The following MBD5 variants were observed in gnomAD, a reference collection of about 807,000 sequenced individuals.
The protein encoded by MBD5 is methyl-CpG-binding domain protein 5.
In MBD5, 13 loss-of-function variants were observed where a neutral mutation model predicts 117.3. That is an observed-to-expected ratio of 0.11 (90% CI 0.07 to 0.18). The LOEUF is 0.18. Among genes scored for constraint, MBD5 ranks in the 10% least tolerant of loss-of-function variants. The probability of loss-of-function intolerance (pLI) is 1.00; values close to 1 mark genes in which losing one functional copy is unlikely to be tolerated. For missense variants in MBD5, 1,879 were observed against 2,093.8 expected, an observed-to-expected ratio of 0.90 and a Z score of 2.00; for synonymous variants, 727 against 766.4, an observed-to-expected ratio of 0.95 and a Z score of 0.85.
intron 1 of MBD5, among the ~76,000 whole-genome samples, chr2:148,104,715 G>T (rs928115690): frequency 3.3e-5 from 5 of 152,096 alleles, no homozygotes; most frequent in African/African-American, 1.2e-4. Flanking sequence ...CTTTTGGGTG[G>T]ACTCTTTGGA....
In MBD5 at chr2:148,463,789, T is replaced by C. The variant is rs143333632; in HGVS notation, c.267T>C (p.Asp89=). ...GAAVKQRTAE[D]VKADEDVTKL... is the part of the protein sequence containing the mutation. The stretch of plus-strand genomic sequence containing the variant: ...CTGTGAAACAGAGAACCGCAGAAGA[T>C]GTTAAGGCAGATGAAGATGTCACAA... The change falls in exon 7 of 14, where the codon GAT becomes GAC. Residue 89 remains aspartate (D), a synonymous_variant. Coordinates refer to ENST00000642680, the MANE Select transcript of MBD5 (RefSeq NM_001378120.1). The C allele has an allele frequency of 9.4e-5, 152 of 1,613,696 alleles. No homozygotes were observed. Among genetic ancestry groups the C allele is most frequent in the Non-Finnish European group, 1.3e-4 (148 of 1,179,798 alleles).
intron 4 of MBD5, among the ~76,000 whole-genome samples, chr2:148,452,836 C>T (rs533838078): frequency 5.3e-5 from 8 of 152,222 alleles, no homozygotes; most frequent in Non-Finnish European, 1.2e-4. Context: ...ATTGTGAGAT[C>T]ATCAGGGAAA....
At chr2:148,325,057 T>A (rs569259626) in intron 3 of MBD5, among the ~76,000 whole-genome samples, 1 of 152,354 alleles carries the variant, frequency 6.6e-6, no homozygotes, top group South Asian at 2.1e-4. Flanking sequence ...GTTGTTGAAT[T>A]TTGTCACAGG....
chr2:148,462,020 T>G (rs1408879699), intron 5 of MBD5, among the ~76,000 whole-genome samples: 1 of 152,158 alleles, frequency 6.6e-6, no homozygotes, highest in East Asian at 1.9e-4. Flanking sequence ...ACTGATCTAT[T>G]ATATCTTTAA....
chr2:148,238,126 G>A (rs553669868), intron 3 of MBD5, among the ~76,000 whole-genome samples: 1 of 152,064 alleles, frequency 6.6e-6, no homozygotes, highest in African/African-American at 2.4e-5. Flanking sequence ...CAATGAATTT[G>A]CTCATTCTAT....
intron 1 of MBD5, among the ~76,000 whole-genome samples, chr2:148,031,581 G>A (rs549828542): frequency 3.3e-5 from 5 of 152,190 alleles, no homozygotes; most frequent in East Asian, 1.9e-4. Flanking sequence ...ATAATATACC[G>A]TACCTTTACT....
chr2:148,481,032 AT>A (rs1200256667), intron 8 of MBD5, among the ~76,000 whole-genome samples: 1 of 151,702 alleles, frequency 6.6e-6, no homozygotes, highest in Non-Finnish European at 1.5e-5. Flanking sequence ...AACTCCTTTT[AT>A]TTTTATAGAC....
chr2:148,157,304 C>T (rs1235377488), intron 1 of MBD5, among the ~76,000 whole-genome samples: 1 of 128,126 alleles, frequency 7.8e-6, no homozygotes, highest in Non-Finnish European at 1.6e-5. Context: ...CACCCCCAAA[C>T]AGGCCCCAGT....
At chr2:148,219,865 T>C (rs1342697029) in intron 2 of MBD5, 1 of 152,196 alleles carries the variant, frequency 6.6e-6, no homozygotes, top group African/African-American at 2.4e-5. Flanking sequence ...TCTAGGATAG[T>C]CAAATATTAT....
chr2:148,272,400 C>G (rs1273210368), intron 3 of MBD5, among the ~76,000 whole-genome samples: 1 of 152,196 alleles, frequency 6.6e-6, no homozygotes, highest in East Asian at 1.9e-4. Context: ...TTTCTACTTA[C>G]AGTGTACAAA....
chr2:148,445,215 C>T (rs535190718), intron 4 of MBD5, among the ~76,000 whole-genome samples: 1 of 151,152 alleles, frequency 6.6e-6, no homozygotes, highest in African/African-American at 2.5e-5. Context: ...TATACATGTG[C>T]CATGTTGGTG....
intron 3 of MBD5, among the ~76,000 whole-genome samples, chr2:148,254,853 G>T (rs192346311): frequency 6.6e-6 from 1 of 152,108 alleles, no homozygotes; most frequent in Non-Finnish European, 1.5e-5. Context: ...GTTCCCCCAC[G>T]AGCCAGCCCC....
intron 7 of MBD5, among the ~76,000 whole-genome samples, chr2:148,465,587 A>C (rs781194982): frequency 1.3e-5 from 2 of 152,148 alleles, no homozygotes; most frequent in Non-Finnish European, 2.9e-5. Flanking sequence ...CCAGTCTTAG[A>C]AAATAGTAGG....
intron 1 of MBD5, among the ~76,000 whole-genome samples, chr2:148,124,508 G>C (rs1424208925): frequency 7.2e-5 from 11 of 152,022 alleles, no homozygotes; most frequent in African/African-American, 2.7e-4. Flanking sequence ...AGACCAGTAA[G>C]TCAAGATTGC....
chr2:148,226,618 G>A (rs59050239), intron 2 of MBD5, among the ~76,000 whole-genome samples: 1,665 of 152,186 alleles, frequency 0.011, 21 homozygotes, highest in African/African-American at 0.037. Flanking sequence ...AATCTTTTGG[G>A]TATATACCCA....
intron 2 of MBD5, among the ~76,000 whole-genome samples, chr2:148,180,635 A>G (rs541750208): frequency 1.3e-5 from 2 of 152,140 alleles, no homozygotes; most frequent in South Asian, 4.2e-4. Flanking sequence ...GGCTCAAGCC[A>G]TCTTCCTGCC....
chr2:148,349,254 T>C (rs1202823229), intron 4 of MBD5, among the ~76,000 whole-genome samples: 1 of 151,978 alleles, frequency 6.6e-6, no homozygotes, highest in Non-Finnish European at 1.5e-5. Flanking sequence ...TCATTGAGTC[T>C]CTTATTGACT....
intron 4 of MBD5, among the ~76,000 whole-genome samples, chr2:148,403,045 A>T (rs1051644902): frequency 6.6e-6 from 1 of 151,990 alleles, no homozygotes; most frequent in African/African-American, 2.4e-5. Context: ...TCTGCTATTA[A>T]TCTCATCTAG....
intron 4 of MBD5, among the ~76,000 whole-genome samples, chr2:148,435,105 A>G (rs1277195747): frequency 6.6e-6 from 1 of 151,550 alleles, no homozygotes; most frequent in East Asian, 1.9e-4. Context: ...TTTTCTATTT[A>G]TTTTCTTGGT....
Sources: gnomAD v4.1 joint callset for allele counts (sites outside exome capture counted in the v4.1 genomes callset) on GRCh38, gnomAD v4.1.1 for gene constraint, MANE v1.5 for transcripts, NCBI Gene and HGNC (gene_info 2026-07-23, HGNC 2026-07-21) for gene names.